The following FIGN variants were observed in gnomAD, a reference collection of about 807,000 sequenced individuals.
The protein encoded by FIGN is fidgetin.
In FIGN, 11 loss-of-function variants were observed where a neutral mutation model predicts 51.3. The observed-to-expected ratio is 0.21, with a 90% CI of 0.13 to 0.35. The LOEUF is 0.35. FIGN is among the 10% of genes least tolerant of loss of function. The pLI is 1.00. For missense variants in FIGN, 857 were observed against 943.6 expected, an observed-to-expected ratio of 0.91 and a Z score of 1.20; for synonymous variants, 407 against 363.2, an observed-to-expected ratio of 1.12 and a Z score of -1.37.
intron 2 of FIGN, among the ~76,000 whole-genome samples, chr2:163,727,409 T>C (rs1684854442): frequency 6.6e-6 from 1 of 151,932 alleles, no homozygotes; most frequent in Non-Finnish European, 1.5e-5. Flanking sequence ...ATTCCTAAAC[T>C]GTGGGGTAAA....
At chr2:163,691,838 G>A (rs930348439) in intron 2 of FIGN, among the ~76,000 whole-genome samples, 36 of 152,220 alleles carry the variant, frequency 2.4e-4, no homozygotes, top group African/African-American at 8.2e-4. Context: ...AGGGCCAGAG[G>A]AATTTGCAAT....
intron 2 of FIGN, among the ~76,000 whole-genome samples, chr2:163,632,676 C>A (rs963048760): frequency 6.6e-6 from 1 of 152,168 alleles, no homozygotes; most frequent in Non-Finnish European, 1.5e-5. Context: ...AGAAAAGCCA[C>A]AAGCACACTA....
chr2:163,625,385 CT>C (rs1213307883), intron 2 of FIGN, among the ~76,000 whole-genome samples: 2 of 151,860 alleles, frequency 1.3e-5, no homozygotes, highest in African/African-American at 4.8e-5. Context: ...CATTATATTG[CT>C]TTATTAGATA....
At chr2:163,648,041 C>G (rs1341807114) in intron 2 of FIGN, among the ~76,000 whole-genome samples, 1 of 151,996 alleles carries the variant, frequency 6.6e-6, no homozygotes, top group Non-Finnish European at 1.5e-5. Context: ...CACATGCAAG[C>G]AGGCAGAAAG....
At chr2:163,630,614 T>G (rs905434097) in intron 2 of FIGN, among the ~76,000 whole-genome samples, 7 of 146,154 alleles carry the variant, frequency 4.8e-5, no homozygotes, top group Non-Finnish European at 1.0e-4. Flanking sequence ...GAGCCACCCT[T>G]GAAACATAGG....
intron 2 of FIGN, chr2:163,612,587 GA>G (rs139810766): frequency 6.5e-6 from 6 of 927,522 alleles, no homozygotes; most frequent in Admixed American, 6.5e-5. Flanking sequence ...TTGAGTCTCT[GA>G]AAAAAAAAAC....
chr2:163,681,720 G>T (rs1480935293), intron 2 of FIGN, among the ~76,000 whole-genome samples: 1 of 151,976 alleles, frequency 6.6e-6, no homozygotes, highest in African/African-American at 2.4e-5. Flanking sequence ...TCACTGGGAA[G>T]TTCATCAAAG....
intron 2 of FIGN, among the ~76,000 whole-genome samples, chr2:163,642,898 A>G (rs908575052): frequency 2.0e-5 from 3 of 152,244 alleles, no homozygotes; most frequent in Non-Finnish European, 4.4e-5. Flanking sequence ...ATCAAAATAA[A>G]TGGAAAAAAT....
intron 2 of FIGN, among the ~76,000 whole-genome samples, chr2:163,648,026 C>G (rs13023804): frequency 0.037 from 5,652 of 151,928 alleles, 333 homozygotes; most frequent in Admixed American, 0.16. Context: ...ACATAGACAC[C>G]CAGGCACATG....
Position 163,703,506 on chromosome 2 carries a change from G to T in FIGN, c.25+31397C>A, listed in dbSNP as rs1684442031. 1.3e-5 allele frequency among the ~76,000 whole-genome samples: 2 copies of T among 152,110 alleles called. 1 individual carries two copies. The highest frequency in any genetic ancestry group is 4.8e-5 in the African/African-American group (2 of 41,424). ...AAAACCAGTTACTTTTGAGTCAACAGGCATGTGACAGAAAGTGCTACATAG... is the reference window on the plus strand; with the variant it reads ...AAAACCAGTTACTTTTGAGTCAACATGCATGTGACAGAAAGTGCTACATAG... On this transcript the variant is annotated intron_variant, in intron 2 of 2. Coordinates refer to ENST00000333129, the MANE Select transcript of FIGN (RefSeq NM_018086.4).
chr2:163,659,245 G>A (rs921216450), intron 2 of FIGN, among the ~76,000 whole-genome samples: 2 of 152,096 alleles, frequency 1.3e-5, no homozygotes, highest in Non-Finnish European at 2.9e-5. Context: ...AAACCGAGAA[G>A]AAATATTTTC....
Position 163,605,270 on chromosome 2 carries a change from G to T in FIGN, c.*4282C>A, listed in dbSNP as rs1691083192. The T allele has an allele frequency of 6.6e-6, 1 of 152,034 alleles. No homozygotes were observed. Among genetic ancestry groups the T allele is most frequent in the Admixed American group, 6.6e-5 (1 of 15,230 alleles). 9.4% of individuals were successfully genotyped at this position (152,034 alleles called of 1,614,324 possible). The stretch of plus-strand genomic sequence containing the variant: ...TCCCTGGTTCACACAAATGCATCTG[G>T]CAGGTTCAAAATCGAATGTCAACCA... On this transcript the variant is annotated 3_prime_UTR_variant, in exon 3 of 3. Coordinates refer to ENST00000333129, the MANE Select transcript of FIGN (RefSeq NM_018086.4).
chr2:163,639,317 C>A (rs1161359251), intron 2 of FIGN, among the ~76,000 whole-genome samples: 1 of 152,080 alleles, frequency 6.6e-6, no homozygotes, highest in Non-Finnish European at 1.5e-5. Context: ...GTTACCATGA[C>A]AGGTTCCAGA....
chr2:163,610,156 C>G lies in FIGN; in HGVS notation c.1676G>C (p.Trp559Ser). The G allele has an allele frequency of 6.2e-7, 1 of 1,614,124 alleles. No homozygotes were observed. Among genetic ancestry groups the G allele is most frequent in the Non-Finnish European group, 8.5e-7 (1 of 1,180,014 alleles). The change falls in exon 3 of 3, where the codon TGG (tryptophan) becomes TCG (serine). Residue 559 changes from tryptophan (W) to serine (S), a missense_variant. Trp to Ser is a radical substitution (Grantham distance 177). Around this residue, in one of 3 missense-constraint regions of FIGN, gnomAD observed 799 missense variants for 849.5 expected, o/e 0.94. Coordinates refer to ENST00000333129, the MANE Select transcript of FIGN (RefSeq NM_018086.4). ...GATAATTTTCTCTGCTTCTCCTAAC[C>G]ACTTGGCGACTAGTCCAGAACCGGC... ...KIAGSGLVAK[W>S]LGEAEKIIHA...
chr2:163,668,626 T>C (rs979696742), intron 2 of FIGN, among the ~76,000 whole-genome samples: 2 of 152,132 alleles, frequency 1.3e-5, no homozygotes, highest in African/African-American at 4.8e-5. Context: ...AAAGCAAAGT[T>C]TTAAATAGGT....
Position 163,611,408 on chromosome 2 carries a change from C to G in FIGN, c.424G>C (p.Ala142Pro). ...KAGVSSALPPADVSASIGSSP... is the reference protein window; with the variant it reads ...KAGVSSALPPPDVSASIGSSP... ...CTTCCTATACTCGCAGAGACATCTG[C>G]TGGAGGGAGGGCTGAACTGACTCCA... The change falls in exon 3 of 3, where the codon GCA becomes CCA. Residue 142 changes from alanine (A) to proline (P), a missense_variant. Ala to Pro is a conservative substitution (Grantham distance 27). This residue lies in a region of FIGN where 799 missense variants were observed against 849.5 expected (regional missense o/e 0.94). Transcript: ENST00000333129. 6.2e-7 allele frequency: 1 copy of G among 1,614,130 alleles called. No homozygotes were observed. Among genetic ancestry groups the G allele is most frequent in the Non-Finnish European group, 8.5e-7 (1 of 1,180,012 alleles).
chr2:163,644,561 C>A (rs1683353969), intron 2 of FIGN, among the ~76,000 whole-genome samples: 2 of 152,110 alleles, frequency 1.3e-5, no homozygotes. Context: ...CCTTATGACC[C>A]AGCATTTTCA....
chr2:163,682,192 C>G (rs76863555), intron 2 of FIGN, among the ~76,000 whole-genome samples: 4,618 of 152,148 alleles, frequency 0.03, 292 homozygotes, highest in East Asian at 0.29. Flanking sequence ...ATGAAAATAA[C>G]GTGAGTTTAT....
At position 163,664,054 on chromosome 2, in the gene FIGN, C is replaced by A. The variant is rs1310894449; in HGVS notation, c.26-52248G>T. ...GGGCAGTTAGTGGCTCTATACTCATCCTGAAAATGGGTGTAATTGTAGGTA... is the reference window on the plus strand; with the variant it reads ...GGGCAGTTAGTGGCTCTATACTCATACTGAAAATGGGTGTAATTGTAGGTA... On this transcript the variant is annotated intron_variant, in intron 2 of 2. Coordinates refer to ENST00000333129, the MANE Select transcript of FIGN (RefSeq NM_018086.4). Among the ~76,000 whole-genome samples, 3 of 152,164 alleles carry A rather than the reference C, an allele frequency of 2.0e-5. No homozygotes were observed. In the East Asian group the frequency reaches 5.8e-4, roughly 30 times the overall value.
Sources: gnomAD v4.1 joint callset for allele counts (sites outside exome capture counted in the v4.1 genomes callset) on GRCh38, gnomAD v4.1.1 for gene constraint, gnomAD v4.1.1 regional missense constraint, MANE v1.5 for transcripts, NCBI Gene and HGNC (gene_info 2026-07-23, HGNC 2026-07-21) for gene names.